Variants in MALT1 observed in about 807,000 individuals in gnomAD.
MALT1 encodes the protein mucosa-associated lymphoid tissue lymphoma translocation protein 1.
A neutral mutation model predicts 85.5 loss-of-function variants in MALT1; 36 were observed. That is an observed-to-expected ratio of 0.42 (90% CI 0.32 to 0.56). The LOEUF is 0.56. Among genes scored for constraint, MALT1 ranks in the 20% least tolerant of loss-of-function variants. MALT1 has a pLI of 0.10. For missense variants in MALT1, 716 were observed against 981.6 expected (o/e 0.73, Z 3.62); for synonymous variants, 359 against 361.3 (o/e 0.99, Z 0.07).
At chr18:58,674,481 G>A (rs1008273285) in intron 1 of MALT1, among the ~76,000 whole-genome samples, 4 of 152,132 alleles carry the variant, frequency 2.6e-5, no homozygotes, top group Non-Finnish European at 5.9e-5. Context: ...GTTTTGAGGA[G>A]GTTGGCTGGG....
At chr18:58,743,721 GTAAT>G (rs1341107537) in intron 14 of MALT1, among the ~76,000 whole-genome samples, 2 of 152,122 alleles carry the variant, frequency 1.3e-5, no homozygotes, top group African/African-American at 4.8e-5. Flanking sequence ...GCTAATGTAA[GTAAT>G]TAAGGAATAA....
intron 10 of MALT1, among the ~76,000 whole-genome samples, chr18:58,731,254 T>A (rs1275263511): frequency 2.6e-5 from 4 of 152,048 alleles, no homozygotes. Flanking sequence ...CGCCTGGCCG[T>A]CATTAGTCTT....
At chr18:58,744,600 A>G (rs1342267535) in intron 15 of MALT1, 105 bp downstream of exon 15, 4 of 486,654 alleles carry the variant, frequency 8.2e-6, no homozygotes, top group African/African-American at 6.1e-5. Flanking sequence ...AAATATATAT[A>G]TTTATATATG....
At chr18:58,734,463 T>A in intron 12 of MALT1, 82 bp downstream of exon 12, 3 of 1,064,094 alleles carry the variant, frequency 2.8e-6, no homozygotes, top group Non-Finnish European at 4.4e-6. Flanking sequence ...GCAGGGGTCT[T>A]AACTCTGTCA....
At chr18:58,710,823 A>C (rs2054821164) in intron 6 of MALT1, 98 bp from the exon 7 acceptor site, 1 of 738,858 alleles carries the variant, frequency 1.4e-6, no homozygotes, top group Non-Finnish European at 2.3e-6. Context: ...TTGGTTTGCC[A>C]ACATTATCTC....
chr18:58,722,992 G>A lies in MALT1; in HGVS notation c.1019-56G>A, dbSNP rs1301445149. The A allele has an allele frequency of 4.1e-6, 5 of 1,226,312 alleles. No homozygotes were observed. In the East Asian group the frequency reaches 7.1e-5, roughly 17 times the overall value. 76.0% of individuals were successfully genotyped at this position (1,226,312 alleles called of 1,614,324 possible). A position where few individuals can be genotyped will look rare whatever the true frequency, so the allele number is the denominator to read the frequency against. ...TTTTATTATAATACCATCTCCATAG[G>A]TTTTGTTTTAATCTTTATATCTTCT... is the stretch of plus-strand genomic sequence containing the variant. On this transcript the variant is annotated intron_variant, in intron 9 of 16. Transcript: ENST00000649217.
chr18:58,715,567 G>T (rs1422046666), intron 8 of MALT1, among the ~76,000 whole-genome samples: 1 of 152,106 alleles, frequency 6.6e-6, no homozygotes, highest in Non-Finnish European at 1.5e-5. Flanking sequence ...ATCCAGATTT[G>T]CTACTTACTA....
chr18:58,741,679 A>G (rs1039721378), intron 13 of MALT1, 186 bp from the exon 14 acceptor site: 8 of 417,856 alleles, frequency 1.9e-5, no homozygotes, highest in African/African-American at 7.9e-5. Context: ...GAACACTTAC[A>G]CACATGAGTA....
chr18:58,714,184 C>A (rs2054869856), intron 8 of MALT1, 75 bp downstream of exon 8: 4 of 689,502 alleles, frequency 5.8e-6, no homozygotes, highest in African/African-American at 3.7e-5. Context: ...CGTAGGTACT[C>A]TTTTGCTACA....
At chr18:58,684,940 T>TG (rs1163433746) in intron 2 of MALT1, among the ~76,000 whole-genome samples, 22 of 152,196 alleles carry the variant, frequency 1.4e-4, no homozygotes. Context: ...GCCCTTGCTG[T>TG]GCTAGGCATT....
intron 2 of MALT1, among the ~76,000 whole-genome samples, chr18:58,688,254 C>A (rs2054435216): frequency 6.6e-6 from 1 of 150,934 alleles, no homozygotes; most frequent in Non-Finnish European, 1.5e-5. Context: ...TCACATTTTG[C>A]CTTTCAATTC....
chr18:58,747,775 T>C lies in MALT1; in HGVS notation c.2408T>C (p.Val803Ala), dbSNP rs747603313. Residue 803 changes from valine (V) to alanine (A), a missense_variant, in exon 17 of 17, where the codon GTG (valine) becomes GCG (alanine). Val to Ala is a moderately conservative substitution (Grantham distance 64). Around this residue, in one of 4 missense-constraint regions of MALT1, gnomAD observed 260 missense variants for 323.7 expected, o/e 0.80. Transcript: ENST00000649217. ...TCATGTCATTTTAGTAGAAGTAATG[T>C]GCCAGTAGAGACAACTGATGAAATA... ...HASCHFSRSN[V>A]PVETTDEIPF... 71 of 1,614,086 alleles carry C rather than the reference T, an allele frequency of 4.4e-5. No individual in the cohort carries two copies. The highest frequency in any genetic ancestry group is 1.6e-4 in the Middle Eastern group (1 of 6,084).
chr18:58,689,860 G>A (rs895289676), intron 2 of MALT1, among the ~76,000 whole-genome samples: 2 of 152,186 alleles, frequency 1.3e-5, no homozygotes, highest in South Asian at 2.1e-4. Flanking sequence ...GCAGAGGACT[G>A]GTAAGTGGAA....
chr18:58,733,387 C>G lies in MALT1; in HGVS notation c.1223-10C>G. 1 of 1,571,796 alleles carries G rather than the reference C, an allele frequency of 6.4e-7. No individual in the cohort carries two copies. Among genetic ancestry groups the G allele is most frequent in the Non-Finnish European group, 8.6e-7 (1 of 1,158,888 alleles). On this transcript the variant is annotated splice_polypyrimidine_tract_variant and intron_variant, in intron 10 of 16. Transcript: ENST00000649217. ...GACATCTATCTCTCTCTTATTTTTCCTCTTTTCAGGGTTATTATATTATGC... is the reference window on the plus strand; with the variant it reads ...GACATCTATCTCTCTCTTATTTTTCGTCTTTTCAGGGTTATTATATTATGC...
At chr18:58,677,299 C>A (rs940335970) in intron 1 of MALT1, among the ~76,000 whole-genome samples, 3 of 152,026 alleles carry the variant, frequency 2.0e-5, no homozygotes, top group African/African-American at 7.2e-5. Flanking sequence ...GAAGGAAAGC[C>A]AAGTGTTTTT....
rs150787277 is a variant in MALT1 at position 58,700,386 on chromosome 18, T to C, written c.499-55T>C. 95 of 1,376,806 alleles carry C rather than the reference T, an allele frequency of 6.9e-5. No individual in the cohort carries two copies. The African/African-American group carries it at 1.3e-3, about 19-fold the overall frequency. The allele number at this position is 1,376,806 out of a possible 1,614,324, so 85.3% of individuals were successfully genotyped here. A position where few individuals can be genotyped will look rare whatever the true frequency, so the allele number is the denominator to read the frequency against. On this transcript the variant is annotated intron_variant, in intron 3 of 16. Coordinates refer to ENST00000649217, the MANE Select transcript of MALT1 (RefSeq NM_006785.4). ...AAATCATAGATTTTGTACAGCATAT[T>C]TTATAAGGTGTGTTTTTGATGAGTC...
intron 11 of MALT1, chr18:58,733,907 A>G: frequency 8.7e-7 from 1 of 1,147,374 alleles, no homozygotes; most frequent in Non-Finnish European, 1.1e-6. Flanking sequence ...ACACCCATGG[A>G]GTTGGGATCT....
chr18:58,673,495 C>T (rs2054197540), intron 1 of MALT1, among the ~76,000 whole-genome samples: 1 of 152,014 alleles, frequency 6.6e-6, no homozygotes, highest in Non-Finnish European at 1.5e-5. Context: ...TGCTCTTTCG[C>T]CCAGGCTGGA....
chr18:58,674,482 G>A (rs1331308132), intron 1 of MALT1, among the ~76,000 whole-genome samples: 1 of 152,126 alleles, frequency 6.6e-6, no homozygotes, highest in Non-Finnish European at 1.5e-5. Context: ...TTTTGAGGAG[G>A]TTGGCTGGGG....
Sources: allele counts gnomAD v4.1 joint callset (sites outside exome capture counted in the v4.1 genomes callset), GRCh38; gene constraint gnomAD v4.1.1; regional missense constraint gnomAD v4.1.1; transcripts MANE v1.5; gene names NCBI Gene and HGNC (gene_info 2026-07-23, HGNC 2026-07-21).